KCND3: variants seen among roughly 807,000 people sequenced by gnomAD.
KCND3 encodes the protein A-type voltage-gated potassium channel KCND3.
Under a neutral mutation model 51.1 loss-of-function variants are expected in KCND3, and 9 were observed. The observed-to-expected ratio is 0.18, with a 90% CI of 0.11 to 0.31. The LOEUF (loss-of-function observed/expected upper bound fraction) is 0.31, where lower values mean the gene tolerates loss of function less well. Ranked by LOEUF, KCND3 falls within the 10% of genes least tolerant of loss-of-function variation. The probability of loss-of-function intolerance (pLI) is 1.00; values close to 1 mark genes in which losing one functional copy is unlikely to be tolerated. For synonymous variants in KCND3, 349 were observed against 368.0 expected (o/e 0.95, Z 0.59); for missense variants, 526 against 903.8 (o/e 0.58, Z 5.36).
At chr1:111,853,316 T>C (rs764953342) in intron 2 of KCND3, among the ~76,000 whole-genome samples, 3 of 152,214 alleles carry the variant, frequency 2.0e-5, no homozygotes, top group Non-Finnish European at 2.9e-5. Context: ...AGGGTCGTTC[T>C]GGTGTGAGGA....
intron 1 of KCND3, among the ~76,000 whole-genome samples, chr1:111,984,618 C>G (rs567337467): frequency 2.0e-5 from 3 of 152,262 alleles, no homozygotes; most frequent in South Asian, 4.1e-4. Flanking sequence ...TATTTTACCC[C>G]ACGACCTACA....
chr1:111,974,727 C>A (rs541701694), intron 2 of KCND3, among the ~76,000 whole-genome samples: 170 of 152,266 alleles, frequency 1.1e-3, no homozygotes, highest in African/African-American at 4.0e-3. Context: ...AATTGCTGCT[C>A]CTCAGGAGGA....
rs1378718107 is a variant in KCND3, at chr1:111,982,568, G to T, written c.159C>A (p.Thr53=). The change falls in exon 2 of 8, where the codon ACC becomes ACA. Residue 53 remains threonine, a synonymous_variant. Coordinates refer to ENST00000302127, the MANE Select transcript of KCND3 (RefSeq NM_001378969.1). The surrounding 1 kb of genome is among the most constrained non-coding windows in gnomAD (Gnocchi z 8.5). ...VLNVSGRRFQ[T]WRTTLERYPD... is the part of the protein sequence containing the mutation. ...GGTAGCGCTCCAGCGTGGTCCTCCAGGTCTGGAACCTCCGCCCACTCACGT... is the reference window on the plus strand; with the variant it reads ...GGTAGCGCTCCAGCGTGGTCCTCCATGTCTGGAACCTCCGCCCACTCACGT... 6.2e-7 allele frequency: 1 copy of T among 1,612,086 alleles called. No homozygotes were observed. Among genetic ancestry groups the T allele is most frequent in the African/African-American group, 1.3e-5 (1 of 74,894 alleles).
intron 2 of KCND3, among the ~76,000 whole-genome samples, chr1:111,844,693 T>C (rs770780276): frequency 6.6e-6 from 1 of 152,200 alleles, no homozygotes; most frequent in Non-Finnish European, 1.5e-5. Context: ...CAGAAAATGG[T>C]GGCCACCCAC....
At chr1:111,912,724 TA>T (rs970534262) in intron 2 of KCND3, among the ~76,000 whole-genome samples, 14 of 152,168 alleles carry the variant, frequency 9.2e-5, no homozygotes, top group African/African-American at 3.4e-4. Flanking sequence ...TCTTAGTTTT[TA>T]AAAAAGTTTA....
chr1:111,973,628 A>G (rs974050277), intron 2 of KCND3, among the ~76,000 whole-genome samples: 1 of 152,242 alleles, frequency 6.6e-6, no homozygotes, highest in Non-Finnish European at 1.5e-5. Flanking sequence ...TTCTGAAGCA[A>G]ACAAATATCA....
At chr1:111,848,593 C>G (rs1248978320) in intron 2 of KCND3, among the ~76,000 whole-genome samples, 1 of 152,236 alleles carries the variant, frequency 6.6e-6, no homozygotes, top group Non-Finnish European at 1.5e-5. Flanking sequence ...AGGCACTGCA[C>G]AAGCCCAGGA....
At chr1:111,916,254 T>C (rs1374958322) in intron 2 of KCND3, among the ~76,000 whole-genome samples, 1 of 151,964 alleles carries the variant, frequency 6.6e-6, no homozygotes, top group Non-Finnish European at 1.5e-5. Flanking sequence ...AAACTAGAGA[T>C]AAAAAATAAA....
chr1:111,867,810 C>T (rs997058242), intron 2 of KCND3, among the ~76,000 whole-genome samples: 2 of 152,180 alleles, frequency 1.3e-5, no homozygotes, highest in African/African-American at 4.8e-5. Context: ...CTTCTGAGCA[C>T]AGTGAAAATC....
At chr1:111,972,203 C>T (rs1232809822) in intron 2 of KCND3, among the ~76,000 whole-genome samples, 6 of 134,498 alleles carry the variant, frequency 4.5e-5, no homozygotes, top group Admixed American at 2.5e-4. Context: ...GACGGAGTCT[C>T]GCTCTGTTGC....
chr1:111,959,904 T>A (rs1308984840), intron 2 of KCND3, among the ~76,000 whole-genome samples: 1 of 152,108 alleles, frequency 6.6e-6, no homozygotes, highest in Non-Finnish European at 1.5e-5. Flanking sequence ...TGGAAGGTAA[T>A]TGAATCATGG....
chr1:111,805,663 A>G (rs1001787830), intron 2 of KCND3, among the ~76,000 whole-genome samples: 12 of 152,270 alleles, frequency 7.9e-5, no homozygotes, highest in Non-Finnish European at 1.0e-4. Context: ...CTCCTTGAGA[A>G]CAAGAGTCAA....
At chr1:111,961,703 G>A (rs564437194) in intron 2 of KCND3, among the ~76,000 whole-genome samples, 1 of 148,204 alleles carries the variant, frequency 6.7e-6, no homozygotes, top group Non-Finnish European at 1.5e-5. Context: ...GAGGCCAGAG[G>A]GGGGGCATTT....
chr1:111,811,009 G>C (rs533622561), intron 2 of KCND3, among the ~76,000 whole-genome samples: 1 of 152,284 alleles, frequency 6.6e-6, no homozygotes, highest in African/African-American at 2.4e-5. Context: ...CCTCAGGAAG[G>C]CTGACACACA....
At chr1:111,911,779 C>T (rs1025724655) in intron 2 of KCND3, among the ~76,000 whole-genome samples, 3 of 152,180 alleles carry the variant, frequency 2.0e-5, no homozygotes, top group Non-Finnish European at 4.4e-5. Context: ...ACTAGAAAGT[C>T]ATACAAAATA....
chr1:111,836,111 G>A (rs764774602), intron 2 of KCND3, among the ~76,000 whole-genome samples: 2 of 152,234 alleles, frequency 1.3e-5, no homozygotes, highest in Admixed American at 6.5e-5. Flanking sequence ...ATGGCTTTAT[G>A]TCCTGAAGGA....
At chr1:111,876,713 C>A (rs942872999) in intron 2 of KCND3, among the ~76,000 whole-genome samples, 23 of 152,212 alleles carry the variant, frequency 1.5e-4, no homozygotes, top group African/African-American at 5.3e-4. Flanking sequence ...ATTTTGTTCT[C>A]TGTCTTCTGC....
At chr1:111,933,525 T>G (rs773357210) in intron 2 of KCND3, among the ~76,000 whole-genome samples, 5 of 152,050 alleles carry the variant, frequency 3.3e-5, no homozygotes, top group Non-Finnish European at 7.4e-5. Context: ...ATTCACGAAA[T>G]TATTGCAGCA....
At chr1:111,913,945 G>C (rs1370993719) in intron 2 of KCND3, among the ~76,000 whole-genome samples, 1 of 151,648 alleles carries the variant, frequency 6.6e-6, no homozygotes, top group Non-Finnish European at 1.5e-5. Flanking sequence ...ATGCAAAAAA[G>C]AAAAAAGATA....
Sources: allele counts gnomAD v4.1 joint callset (sites outside exome capture counted in the v4.1 genomes callset), GRCh38; gene constraint gnomAD v4.1.1; non-coding constraint Gnocchi (gnomAD v3.1); transcripts MANE v1.5; gene names NCBI Gene and HGNC (gene_info 2026-07-23, HGNC 2026-07-21).